CHAF1A: variants seen among roughly 807,000 people sequenced by gnomAD.
CHAF1A encodes chromatin assembly factor 1 subunit A, also known as CAF-1 subunit A.
CHAF1A carries 5 observed loss-of-function variants against 93.2 expected under a neutral mutation model. The observed-to-expected ratio is 0.05, with a 90% CI of 0.03 to 0.11. CHAF1A has a LOEUF of 0.11. Among genes scored for constraint, CHAF1A ranks in the 10% least tolerant of loss-of-function variants. CHAF1A has a pLI of 1.00. For synonymous variants in CHAF1A, 504 were observed against 510.3 expected (o/e 0.99, Z 0.17); for missense variants, 1,102 against 1,259.9 (o/e 0.87, Z 1.90).
downstream of CHAF1A, chr19:4,448,175 G>A (rs958470553): frequency 1.1e-5 from 8 of 717,262 alleles, no homozygotes; most frequent in African/African-American, 1.2e-4. Flanking sequence ...GCCTCTGGGT[G>A]GAGCTGCCTC....
chr19:4,436,870 C>T (rs1317762829), intron 13 of CHAF1A, among the ~76,000 whole-genome samples: 2 of 152,186 alleles, frequency 1.3e-5, no homozygotes, highest in East Asian at 1.9e-4. Flanking sequence ...CGGAAAATAG[C>T]GCCCTGAGCC....
chr19:4,418,830 C>G (rs1973941215), intron 4 of CHAF1A, among the ~76,000 whole-genome samples: 1 of 151,978 alleles, frequency 6.6e-6, no homozygotes, highest in Non-Finnish European at 1.5e-5. Context: ...TGGGGGGCAT[C>G]ACCACGTTTT....
chr19:4,445,429 G>T, downstream of CHAF1A: 1 of 1,600,192 alleles, frequency 6.2e-7, no homozygotes, highest in Non-Finnish European at 8.5e-7. Flanking sequence ...GAGGCCCTGG[G>T]GTGGCGGGGA....
chr19:4,446,797 C>A, downstream of CHAF1A: 2 of 1,613,752 alleles, frequency 1.2e-6, no homozygotes, highest in East Asian at 2.2e-5. Flanking sequence ...CGAGGCCCCT[C>A]GTCCCCATTC....
At position 4,433,464 on chromosome 19, in the gene CHAF1A, C is replaced by T. The variant is rs139146765; in HGVS notation, c.2598C>T (p.Pro866=). ...VPSTGPSQGT[P]ISLKRKSAGS... ...CCACGGGGCCCAGCCAGGGCACTCC[C>T]ATCTCGCTGAAGAGGAAGTCAGCGG... Residue 866 remains proline, a synonymous_variant, in exon 13 of 15, where the codon CCC becomes CCT. Transcript: ENST00000301280. This position sits in a 1 kb window ranked among gnomAD's most constrained non-coding sequence, Gnocchi z 5.6. 119 of 1,602,068 alleles carry T rather than the reference C, an allele frequency of 7.4e-5. No homozygotes were observed. The highest frequency in any genetic ancestry group is 6.6e-4 in the Middle Eastern group (4 of 6,036).
intron 2 of CHAF1A, among the ~76,000 whole-genome samples, chr19:4,406,964 G>A (rs953090798): frequency 2.0e-5 from 3 of 151,932 alleles, no homozygotes; most frequent in African/African-American, 7.3e-5. Context: ...GCTCACACCT[G>A]TAATCCTAGC....
chr19:4,447,611 A>G, downstream of CHAF1A: 1 of 1,613,700 alleles, frequency 6.2e-7, no homozygotes. Context: ...GTGCAGGTGG[A>G]TGTTGTCCAG....
chr19:4,447,458 A>T, downstream of CHAF1A: 1 of 1,390,622 alleles, frequency 7.2e-7, no homozygotes, highest in Non-Finnish European at 1.0e-6. Flanking sequence ...TCCTCCAGGG[A>T]GCCCACCGCC....
intron 3 of CHAF1A, among the ~76,000 whole-genome samples, chr19:4,414,396 CAA>C (rs530581987): frequency 1.8e-5 from 2 of 112,660 alleles, no homozygotes; most frequent in Admixed American, 8.9e-5. Context: ...CAGACCGTCT[CAA>C]AAAAAAAAAA....
In CHAF1A at chr19:4,429,420, T is replaced by A; in HGVS notation, c.1605-18T>A. On this transcript the variant is annotated intron_variant, in intron 8 of 14. Coordinates refer to ENST00000301280, the MANE Select transcript of CHAF1A (RefSeq NM_005483.3). ...CTGTAAGGCAGCGTGATCCTGAGCC[T>A]GGGGTTTTCCTTCTCAGTGATGTCG... 1 of 1,612,038 alleles carries A rather than the reference T, an allele frequency of 6.2e-7. No homozygotes were observed.
chr19:4,418,146 T>C, intron 4 of CHAF1A, 70 bp downstream of exon 4: 1 of 1,037,078 alleles, frequency 9.6e-7, no homozygotes, highest in South Asian at 1.4e-5. Flanking sequence ...AGCAAAGCCC[T>C]TTGAAGTTCC....
chr19:4,445,781 C>T (rs367970662), downstream of CHAF1A: 77 of 1,264,166 alleles, frequency 6.1e-5, no homozygotes, highest in Admixed American at 2.9e-4. Context: ...CCTCTCCCTC[C>T]GGGACTCCAG....
chr19:4,406,439 T>TA (rs1194425557), intron 2 of CHAF1A, among the ~76,000 whole-genome samples: 115 of 151,122 alleles, frequency 7.6e-4, no homozygotes, highest in African/African-American at 2.6e-3. Flanking sequence ...TGTAATTTTT[T>TA]TTTTTTTTTT....
At chr19:4,402,942 CT>C in intron 1 of CHAF1A, 128 bp downstream of exon 1, 3 of 435,968 alleles carry the variant, frequency 6.9e-6, no homozygotes, top group South Asian at 1.2e-4. Context: ...CGTTCACCCC[CT>C]GGGGCCTTCT....
At chr19:4,417,752 C>T (rs911337255) in intron 3 of CHAF1A, among the ~76,000 whole-genome samples, 2 of 152,178 alleles carry the variant, frequency 1.3e-5, no homozygotes, top group Admixed American at 6.5e-5. Flanking sequence ...TTAGCCACCG[C>T]GCCCAGCCTT....
intron 13 of CHAF1A, among the ~76,000 whole-genome samples, chr19:4,439,020 C>T (rs1222415524): frequency 1.3e-5 from 2 of 151,466 alleles, no homozygotes; most frequent in Non-Finnish European, 2.9e-5. Flanking sequence ...GTGGCTCACG[C>T]TTGTAATCAC....
intron 5 of CHAF1A, among the ~76,000 whole-genome samples, 172 bp from the exon 6 acceptor site, chr19:4,423,163 T>C (rs1052226009): frequency 6.6e-6 from 1 of 152,198 alleles, no homozygotes; most frequent in Admixed American, 6.5e-5. Flanking sequence ...TTATTGACTG[T>C]TTTCCATTTT....
At position 4,402,681 on chromosome 19, in the gene CHAF1A, G is replaced by A; in HGVS notation, c.-82G>A. On this transcript the variant is annotated 5_prime_UTR_variant, in exon 1 of 15. Coordinates refer to ENST00000301280, the MANE Select transcript of CHAF1A (RefSeq NM_005483.3). ...GGCCGCGGCGGCAGCAGCGGCGCGG[G>A]CGGGAGGGCGAAGAGCAGCGGCCGC... 2 of 937,066 alleles carry A rather than the reference G, an allele frequency of 2.1e-6. No homozygotes were observed. Among genetic ancestry groups the A allele is most frequent in the Non-Finnish European group, 2.7e-6 (2 of 732,042 alleles). 58.0% of individuals were successfully genotyped at this position (937,066 alleles called of 1,614,324 possible).
At chr19:4,447,824 T>G (rs1974569674), downstream of CHAF1A, 1 of 597,690 alleles carries the variant, frequency 1.7e-6, no homozygotes, top group Non-Finnish European at 3.0e-6. Context: ...CCACCCCTGG[T>G]GCCAGCAGGA....
Sources: gnomAD v4.1 joint callset for allele counts (sites outside exome capture counted in the v4.1 genomes callset) on GRCh38, gnomAD v4.1.1 for gene constraint, Gnocchi (gnomAD v3.1) non-coding constraint, MANE v1.5 for transcripts, NCBI Gene and HGNC (gene_info 2026-07-23, HGNC 2026-07-21) for gene names.